TMCC3: variants seen among roughly 807,000 people sequenced by gnomAD.
TMCC3 encodes transmembrane and coiled-coil domain protein 3.
Under a neutral mutation model 40.2 loss-of-function variants are expected in TMCC3, and 28 were observed. The observed-to-expected ratio is 0.70, with a 90% CI of 0.52 to 0.95. The LOEUF (loss-of-function observed/expected upper bound fraction) is 0.95. Among genes scored for constraint, TMCC3 ranks in the 40% least tolerant of loss-of-function variants. The pLI is 0.00. For synonymous variants in TMCC3, 255 were observed against 248.5 expected (o/e 1.03, Z -0.25); for missense variants, 554 against 615.2 (o/e 0.90, Z 1.05).
intron 1 of TMCC3, among the ~76,000 whole-genome samples, chr12:94,596,879 G>A (rs1170963951): frequency 1.3e-5 from 2 of 152,148 alleles, no homozygotes; most frequent in African/African-American, 2.4e-5. Context: ...AAAACAGACC[G>A]AACCACGAAT....
At chr12:94,607,357 G>T (rs956939263) in intron 1 of TMCC3, among the ~76,000 whole-genome samples, 1 of 152,074 alleles carries the variant, frequency 6.6e-6, no homozygotes, top group Non-Finnish European at 1.5e-5. Flanking sequence ...TGAAGATAAC[G>T]GGATTAAGAG....
intron 3 of TMCC3, among the ~76,000 whole-genome samples, chr12:94,576,710 TG>T (rs1443285547): frequency 2.0e-5 from 3 of 152,180 alleles, no homozygotes; most frequent in African/African-American, 7.2e-5. Flanking sequence ...CTCAAACTCC[TG>T]GCTTCAAGTG....
intron 1 of TMCC3, chr12:94,591,113 T>C (rs2068672396): frequency 2.1e-6 from 1 of 468,516 alleles, no homozygotes; most frequent in Non-Finnish European, 4.2e-6. Flanking sequence ...TGCCCCTCCA[T>C]TGACAGCTGG....
intron 1 of TMCC3, among the ~76,000 whole-genome samples, chr12:94,648,233 T>TTTATTTAC (rs2069031505): frequency 6.6e-6 from 1 of 151,610 alleles, no homozygotes; most frequent in African/African-American, 2.4e-5. Flanking sequence ...TATTTATTTA[T>TTTATTTAC]TTATTTATTT....
At chr12:94,585,325 A>G (rs2068631646) in intron 1 of TMCC3, among the ~76,000 whole-genome samples, 1 of 152,048 alleles carries the variant, frequency 6.6e-6, no homozygotes, top group Non-Finnish European at 1.5e-5. Flanking sequence ...TTTTCTATGG[A>G]TTTTCTCATA....
chr12:94,597,651 C>A (rs770583983), intron 1 of TMCC3, among the ~76,000 whole-genome samples: 1 of 151,964 alleles, frequency 6.6e-6, no homozygotes, highest in Admixed American at 6.6e-5. Context: ...ACTAAAAATA[C>A]AAAAACTAGC....
At chr12:94,622,201 A>T (rs995565166) in intron 1 of TMCC3, among the ~76,000 whole-genome samples, 1 of 152,164 alleles carries the variant, frequency 6.6e-6, no homozygotes, top group Non-Finnish European at 1.5e-5. Context: ...GCCTGAAACC[A>T]GGATCTCCAA....
At chr12:94,603,586 C>A (rs541471053) in intron 1 of TMCC3, among the ~76,000 whole-genome samples, 3 of 152,180 alleles carry the variant, frequency 2.0e-5, no homozygotes, top group Admixed American at 2.0e-4. Context: ...TAGCGTGCTG[C>A]GGAGGTGAGA....
At chr12:94,611,632 C>A (rs1280471665) in intron 1 of TMCC3, among the ~76,000 whole-genome samples, 1 of 152,086 alleles carries the variant, frequency 6.6e-6, no homozygotes, top group African/African-American at 2.4e-5. Flanking sequence ...TGTTCAAGTC[C>A]CTGATATAAA....
intron 1 of TMCC3, among the ~76,000 whole-genome samples, chr12:94,592,113 A>G (rs1441079042): frequency 6.6e-6 from 1 of 152,198 alleles, no homozygotes; most frequent in Non-Finnish European, 1.5e-5. Flanking sequence ...GATATCCAGA[A>G]GGACATTTTA....
intron 1 of TMCC3, among the ~76,000 whole-genome samples, chr12:94,604,123 G>A (rs1164613447): frequency 2.0e-5 from 3 of 152,166 alleles, no homozygotes; most frequent in African/African-American, 4.8e-5. Context: ...GAATACATCA[G>A]ATTTAGACAT....
intron 1 of TMCC3, among the ~76,000 whole-genome samples, chr12:94,648,988 A>G (rs1174171859): frequency 1.3e-5 from 2 of 152,252 alleles, no homozygotes; most frequent in Non-Finnish European, 2.9e-5. Context: ...CCTGTGGGTA[A>G]GCACATTTCT....
chr12:94,640,848 G>A (rs2068986513), intron 1 of TMCC3, among the ~76,000 whole-genome samples: 1 of 152,216 alleles, frequency 6.6e-6, no homozygotes, highest in African/African-American at 2.4e-5. Flanking sequence ...CCAGAGGTAA[G>A]CTTAAGAGAG....
At chr12:94,636,055 T>C (rs1381517847) in intron 1 of TMCC3, among the ~76,000 whole-genome samples, 1 of 152,118 alleles carries the variant, frequency 6.6e-6, no homozygotes, top group African/African-American at 2.4e-5. Flanking sequence ...TGTGGCAGAA[T>C]TACAACCTTC....
At chr12:94,608,346 T>G (rs1294161306) in intron 1 of TMCC3, among the ~76,000 whole-genome samples, 1 of 152,240 alleles carries the variant, frequency 6.6e-6, no homozygotes, top group Non-Finnish European at 1.5e-5. Context: ...TAGGATATGA[T>G]GATCTGAAAG....
At chr12:94,617,341 C>T (rs1039734859) in intron 1 of TMCC3, among the ~76,000 whole-genome samples, 1 of 152,158 alleles carries the variant, frequency 6.6e-6, no homozygotes, top group African/African-American at 2.4e-5. Flanking sequence ...CTAATCAAAT[C>T]CCAGCTTCTG....
chr12:94,619,316 G>A (rs1031541795), intron 1 of TMCC3, among the ~76,000 whole-genome samples: 4 of 152,190 alleles, frequency 2.6e-5, no homozygotes, highest in Non-Finnish European at 5.9e-5. Context: ...CCCCAGGGCT[G>A]CCTTACTTTC....
At chr12:94,615,592 G>A (rs1404890151) in intron 1 of TMCC3, among the ~76,000 whole-genome samples, 1 of 152,228 alleles carries the variant, frequency 6.6e-6, no homozygotes, top group East Asian at 1.9e-4. Flanking sequence ...CCAGGGAGGT[G>A]GGAGGAGACC....
chr12:94,611,704 A>G (rs2068816865), intron 1 of TMCC3, among the ~76,000 whole-genome samples: 1 of 151,858 alleles, frequency 6.6e-6, no homozygotes, highest in African/African-American at 2.4e-5. Flanking sequence ...TCATCTCCAG[A>G]TTACTTATAA....
Sources: gnomAD v4.1 joint callset for allele counts (sites outside exome capture counted in the v4.1 genomes callset) on GRCh38, gnomAD v4.1.1 for gene constraint, MANE v1.5 for transcripts, NCBI Gene and HGNC (gene_info 2026-07-23, HGNC 2026-07-21) for gene names.